Variants in PCDHA9 observed in about 807,000 individuals in gnomAD.
PCDHA9 encodes protocadherin alpha 9, also known as protocadherin alpha-9.
A neutral mutation model predicts 62.0 loss-of-function variants in PCDHA9; 62 were observed. That is an observed-to-expected ratio of 1.00 (90% confidence interval 0.81 to 1.23). The LOEUF (loss-of-function observed/expected upper bound fraction) is 1.23, where lower values mean the gene tolerates loss of function less well. Among genes scored for constraint, PCDHA9 ranks in the 50% most tolerant of loss-of-function variants. The probability of loss-of-function intolerance (pLI) is 0.00; values close to 1 mark genes in which losing one functional copy is unlikely to be tolerated. For missense variants in PCDHA9, 1,205 were observed against 1,249.8 expected (o/e 0.96, Z 0.54); for synonymous variants, 557 against 567.6 (o/e 0.98, Z 0.27).
intron 1 of PCDHA9, chr5:140,862,219 T>C: frequency 4.8e-6 from 1 of 206,310 alleles, no homozygotes; most frequent in Non-Finnish European, 9.9e-6. Flanking sequence ...ACAGACTTGA[T>C]AGAAGTCTTG....
intron 1 of PCDHA9, among the ~76,000 whole-genome samples, chr5:140,946,635 A>G (rs2094003182): frequency 1.6e-5 from 1 of 62,812 alleles, no homozygotes; most frequent in Admixed American, 1.5e-4. Flanking sequence ...TATATATACA[A>G]TGGAATACTC....
chr5:140,924,905 AT>A (rs1216976019), intron 1 of PCDHA9, among the ~76,000 whole-genome samples: 1,708 of 55,768 alleles, frequency 0.031, 41 homozygotes, highest in African/African-American at 0.13. Flanking sequence ...AAAAAAAAAA[AT>A]AAAATAAAAT....
At chr5:140,861,511 T>C in intron 1 of PCDHA9, 1 of 471,158 alleles carries the variant, frequency 2.1e-6, no homozygotes, top group South Asian at 1.7e-5. Flanking sequence ...CTCGAGGAGC[T>C]GTGTGGGAGG....
rs1458420006 is a variant in PCDHA9 at position 140,928,100 on chromosome 5, T to A, written c.2395-50849T>A. On this transcript the variant is annotated intron_variant, in intron 1 of 3. Transcript: ENST00000532602. Reference sequence around the variant, plus strand: ...TACAGCCTGCTGATTGATGGGCCCCTGGACCGGGAGCAGATCAGTGAATAC... The same window carrying A: ...TACAGCCTGCTGATTGATGGGCCCCAGGACCGGGAGCAGATCAGTGAATAC... 2.3e-5 allele frequency: 37 copies of A among 1,614,090 alleles called. No individual in the cohort carries two copies. Among genetic ancestry groups the A allele is most frequent in the Non-Finnish European group, 2.9e-5 (34 of 1,180,048 alleles).
intron 1 of PCDHA9, among the ~76,000 whole-genome samples, chr5:140,893,814 T>C (rs1254433414): frequency 6.6e-6 from 1 of 152,204 alleles, no homozygotes; most frequent in Non-Finnish European, 1.5e-5. Flanking sequence ...TTGAGTCTGG[T>C]ACCGTAGACT....
At chr5:140,881,143 A>G (rs1554171794) in intron 1 of PCDHA9, among the ~76,000 whole-genome samples, 1 of 152,228 alleles carries the variant, frequency 6.6e-6, no homozygotes, top group Non-Finnish European at 1.5e-5. Flanking sequence ...AGTTATAACA[A>G]TAGATAAAAG....
chr5:140,977,876 G>A (rs1425308379), intron 1 of PCDHA9, among the ~76,000 whole-genome samples: 3 of 152,190 alleles, frequency 2.0e-5, no homozygotes, highest in Non-Finnish European at 2.9e-5. Flanking sequence ...TAAGTATAAT[G>A]TAGAGGAAAA....
chr5:140,903,818 T>A (rs1554191152), intron 1 of PCDHA9, among the ~76,000 whole-genome samples: 1 of 152,202 alleles, frequency 6.6e-6, no homozygotes. Context: ...AGTTCTCACA[T>A]GAATGTCTGT....
rs148596731 is a variant in PCDHA9 at position 141,000,361 on chromosome 5, GTCTCTCTCTCTC to G, written c.2543-9242_2543-9231del. Among the ~76,000 whole-genome samples, 60 of 26,440 alleles carry G rather than the reference GTCTCTCTCTCTC, an allele frequency of 2.3e-3. 1 individual carries two copies. Among genetic ancestry groups the G allele is most frequent in the Admixed American group, 5.8e-3 (10 of 1,730 alleles). The allele number at this position is 26,440 out of a possible 152,430, so 17.3% of individuals were successfully genotyped here. On this transcript the variant is annotated intron_variant, in intron 3 of 3. Transcript: ENST00000532602. ...CCTATCTCTCTCTCTGTCTCTCTCT[GTCTCTCTCTCTC>G]TCTCTCTCTCTCTCTCTCTCTCTAT...
rs2150444772 is a variant in PCDHA9, at chr5:140,849,675, C to A, written c.1180C>A (p.Pro394Thr). The A allele has an allele frequency of 6.3e-7, 1 of 1,598,600 alleles. No homozygotes were observed. The change falls in exon 1 of 4, where the codon CCC (proline) becomes ACC (threonine). Residue 394 changes from proline to threonine, a missense_variant. By Grantham distance (38) the Pro-to-Thr change is conservative. Transcript: ENST00000532602. ...QVTCSLTPHV[P>T]FKLVSTYKNY... ...TACCTGCTCCCTGACGCCCCACGTC[C>A]CCTTCAAGCTGGTGTCCACCTACAA...
intron 3 of PCDHA9, 66 bp from the exon 4 acceptor site, chr5:141,009,561 A>C: frequency 6.4e-7 from 1 of 1,571,278 alleles, no homozygotes; most frequent in Non-Finnish European, 8.6e-7. Context: ...CCTGTACTCT[A>C]CCAGCAGTGT....
At chr5:140,930,356 A>G (rs1554207746) in intron 1 of PCDHA9, 1 of 152,106 alleles carries the variant, frequency 6.6e-6, no homozygotes, top group African/African-American at 2.4e-5. Context: ...CAAATATTTC[A>G]ATTTATCTGT....
chr5:140,855,249 C>A (rs910025262), intron 1 of PCDHA9, among the ~76,000 whole-genome samples: 1 of 149,670 alleles, frequency 6.7e-6, no homozygotes, highest in African/African-American at 2.4e-5. Flanking sequence ...ATTGCAAGCA[C>A]TTACTATATT....
At chr5:140,902,406 T>A (rs1166768605) in intron 1 of PCDHA9, among the ~76,000 whole-genome samples, 1 of 152,088 alleles carries the variant, frequency 6.6e-6, no homozygotes, top group Non-Finnish European at 1.5e-5. Flanking sequence ...AATACTATGT[T>A]GAATAACAGT....
chr5:140,896,137 G>A (rs547993953), intron 1 of PCDHA9, among the ~76,000 whole-genome samples: 16 of 152,260 alleles, frequency 1.1e-4, no homozygotes, highest in African/African-American at 3.1e-4. Flanking sequence ...TTTATCCAGT[G>A]CACCATTGAT....
At chr5:140,906,099 T>G (rs1377633678) in intron 1 of PCDHA9, among the ~76,000 whole-genome samples, 1 of 152,118 alleles carries the variant, frequency 6.6e-6, no homozygotes, top group African/African-American at 2.4e-5. Flanking sequence ...AGTAAGTGTG[T>G]CTTTCCCAGT....
chr5:140,899,846 C>T (rs1554188760), intron 1 of PCDHA9, among the ~76,000 whole-genome samples: 1 of 152,142 alleles, frequency 6.6e-6, no homozygotes, highest in African/African-American at 2.4e-5. Flanking sequence ...CTTGCTGTGT[C>T]ACCCAGGCTG....
chr5:140,955,585 T>G (rs1438222402), intron 1 of PCDHA9, among the ~76,000 whole-genome samples: 1 of 152,198 alleles, frequency 6.6e-6, no homozygotes, highest in African/African-American at 2.4e-5. Context: ...CAATTAAACC[T>G]CTTTCTTTTA....
intron 1 of PCDHA9, chr5:140,883,026 A>C (rs1562783010): frequency 6.2e-7 from 1 of 1,614,190 alleles, no homozygotes; most frequent in Non-Finnish European, 8.5e-7. Context: ...ACGGTGTTAG[A>C]GAACGCCTTC....
Sources: gnomAD v4.1 joint callset for allele counts (sites outside exome capture counted in the v4.1 genomes callset) on GRCh38, gnomAD v4.1.1 for gene constraint, MANE v1.5 for transcripts, NCBI Gene and HGNC (gene_info 2026-07-23, HGNC 2026-07-21) for gene names.